Variants in SLC4A10 observed in about 807,000 individuals in gnomAD.
SLC4A10 encodes sodium-driven chloride bicarbonate exchanger.
SLC4A10 carries 42 observed loss-of-function variants against 137.7 expected under a neutral mutation model. The ratio of observed to expected loss-of-function variants is 0.30; its 90% confidence interval spans 0.24 to 0.39. SLC4A10 has a LOEUF of 0.39. Among genes scored for constraint, SLC4A10 ranks in the 10% least tolerant of loss-of-function variants. The probability of loss-of-function intolerance (pLI) is 1.00; values close to 1 mark genes in which losing one functional copy is unlikely to be tolerated. For synonymous variants in SLC4A10, 474 were observed against 464.1 expected (o/e 1.02, Z -0.27); for missense variants, 925 against 1,355.0 (o/e 0.68, Z 4.98).
intron 10 of SLC4A10, among the ~76,000 whole-genome samples, chr2:161,883,516 C>T (rs557151913): frequency 1.2e-4 from 19 of 152,196 alleles, no homozygotes; most frequent in Non-Finnish European, 2.6e-4. Flanking sequence ...CAAAAGGAAC[C>T]AACTTAATGA....
chr2:161,688,386 T>A (rs1041245730), intron 1 of SLC4A10, among the ~76,000 whole-genome samples: 3 of 152,262 alleles, frequency 2.0e-5, no homozygotes, highest in Non-Finnish European at 4.4e-5. Context: ...ATAATTAATA[T>A]TTTTTGGTGC....
At chr2:161,841,012 T>A (rs2059146373) in intron 4 of SLC4A10, among the ~76,000 whole-genome samples, 1 of 152,126 alleles carries the variant, frequency 6.6e-6, no homozygotes, top group Non-Finnish European at 1.5e-5. Flanking sequence ...GAGGGGACAG[T>A]ATTCTAGGCA....
At chr2:161,883,383 G>T (rs1189013017) in intron 10 of SLC4A10, among the ~76,000 whole-genome samples, 1 of 151,950 alleles carries the variant, frequency 6.6e-6, no homozygotes, top group Non-Finnish European at 1.5e-5. Context: ...TGTTTTGGGG[G>T]TTAAATATTA....
At chr2:161,884,405 T>G (rs1439573454) in intron 10 of SLC4A10, among the ~76,000 whole-genome samples, 1 of 152,182 alleles carries the variant, frequency 6.6e-6, no homozygotes, top group East Asian at 1.9e-4. Flanking sequence ...AAGATTTTTC[T>G]CGACAGAAAG....
At chr2:161,814,529 T>C (rs2056867592) in intron 3 of SLC4A10, among the ~76,000 whole-genome samples, 1 of 152,068 alleles carries the variant, frequency 6.6e-6, no homozygotes, top group African/African-American at 2.4e-5. Flanking sequence ...TCAACCTAGG[T>C]GCTCATCAAC....
intron 15 of SLC4A10, among the ~76,000 whole-genome samples, chr2:161,933,320 CTCTT>C (rs1328606041): frequency 7.0e-6 from 1 of 143,058 alleles, no homozygotes; most frequent in African/African-American, 2.6e-5. Flanking sequence ...TTATTTCTCT[CTCTT>C]TTCTCTTTTT....
At chr2:161,725,367 A>G (rs1574590258) in intron 1 of SLC4A10, among the ~76,000 whole-genome samples, 2 of 152,142 alleles carry the variant, frequency 1.3e-5, no homozygotes, top group South Asian at 4.1e-4. Context: ...ATTTTTAAGG[A>G]GATAATGTAT....
chr2:161,768,868 T>G (rs2051215726), intron 1 of SLC4A10, among the ~76,000 whole-genome samples: 1 of 151,942 alleles, frequency 6.6e-6, no homozygotes, highest in Non-Finnish European at 1.5e-5. Flanking sequence ...ATGACAGCAG[T>G]TCCCTTGTAA....
chr2:161,756,672 G>T (rs1165235955), intron 1 of SLC4A10, among the ~76,000 whole-genome samples: 1 of 152,032 alleles, frequency 6.6e-6, no homozygotes, highest in Non-Finnish European at 1.5e-5. Context: ...CTGTACTTTG[G>T]CCCAGATGTT....
At chr2:161,688,787 T>C (rs138656473) in intron 1 of SLC4A10, among the ~76,000 whole-genome samples, 516 of 152,264 alleles carry the variant, frequency 3.4e-3, no homozygotes, top group African/African-American at 0.011. Flanking sequence ...CTACCACAGA[T>C]TATCGATTTT....
chr2:161,645,795 A>T (rs531912765), intron 1 of SLC4A10, among the ~76,000 whole-genome samples: 91 of 152,218 alleles, frequency 6.0e-4, no homozygotes, highest in African/African-American at 1.8e-3. Flanking sequence ...AGTCAAAATA[A>T]TGAGCAATGA....
At chr2:161,879,375 G>T in intron 9 of SLC4A10, 87 bp downstream of exon 9, 1 of 1,358,848 alleles carries the variant, frequency 7.4e-7, no homozygotes, top group Non-Finnish European at 1.0e-6. Context: ...TTTTCTGTTA[G>T]AGTTTTGACT....
intron 1 of SLC4A10, among the ~76,000 whole-genome samples, chr2:161,663,075 A>T (rs1447100911): frequency 6.6e-6 from 1 of 152,204 alleles, no homozygotes; most frequent in Non-Finnish European, 1.5e-5. Flanking sequence ...CTTGTAAATT[A>T]GATGAGGGAC....
chr2:161,642,010 T>C (rs1053255366), intron 1 of SLC4A10, among the ~76,000 whole-genome samples: 2 of 152,030 alleles, frequency 1.3e-5, no homozygotes, highest in Non-Finnish European at 2.9e-5. Flanking sequence ...AATTTTAAGA[T>C]ATTCTTCCAT....
intron 2 of SLC4A10, among the ~76,000 whole-genome samples, chr2:161,798,272 T>C (rs2054996827): frequency 6.6e-6 from 1 of 151,972 alleles, no homozygotes; most frequent in Non-Finnish European, 1.5e-5. Flanking sequence ...TTGACACATC[T>C]AAATTTCTGT....
At chr2:161,804,699 C>T in intron 3 of SLC4A10, 104 bp downstream of exon 3, 1 of 1,098,166 alleles carries the variant, frequency 9.1e-7, no homozygotes, top group Non-Finnish European at 1.2e-6. Context: ...ATTGTTTATA[C>T]TTTTATAAAA....
At chr2:161,692,597 A>T (rs2042104853) in intron 1 of SLC4A10, among the ~76,000 whole-genome samples, 1 of 152,024 alleles carries the variant, frequency 6.6e-6, no homozygotes, top group African/African-American at 2.4e-5. Flanking sequence ...TAACGTTGCT[A>T]ATGAAAGACT....
intron 3 of SLC4A10, among the ~76,000 whole-genome samples, chr2:161,807,045 T>A (rs563083716): frequency 1.3e-5 from 2 of 152,210 alleles, no homozygotes; most frequent in African/African-American, 4.8e-5. Flanking sequence ...GCAAGTCACA[T>A]CTTATGTGAA....
intron 19 of SLC4A10, among the ~76,000 whole-genome samples, chr2:161,952,131 T>G (rs888884708): frequency 6.6e-6 from 1 of 152,152 alleles, no homozygotes; most frequent in East Asian, 1.9e-4. Flanking sequence ...AATTATCCTC[T>G]GTAAGGGCCA....
Sources: allele counts gnomAD v4.1 joint callset (sites outside exome capture counted in the v4.1 genomes callset), GRCh38; gene constraint gnomAD v4.1.1; transcripts MANE v1.5; gene names NCBI Gene and HGNC (gene_info 2026-07-23, HGNC 2026-07-21).